Variants in BTBD9 observed in about 807,000 individuals in gnomAD.
The protein encoded by BTBD9 is BTB domain containing 9.
In BTBD9, 49 loss-of-function variants were observed where a neutral mutation model predicts 64.3. The observed-to-expected ratio is 0.76, with a 90% CI of 0.61 to 0.97. The LOEUF (loss-of-function observed/expected upper bound fraction) is 0.97, where lower values mean the gene tolerates loss of function less well. Among genes scored for constraint, BTBD9 ranks in the 50% least tolerant of loss-of-function variants. The pLI, the probability that BTBD9 is intolerant of heterozygous loss-of-function variation, is 0.00. For missense variants in BTBD9, 598 were observed against 762.1 expected (o/e 0.78, Z 2.53); for synonymous variants, 260 against 274.7 (o/e 0.95, Z 0.53).
chr6:38,314,341 G>A lies in BTBD9; in HGVS notation c.1265-25880C>T, dbSNP rs551550719. On this transcript the variant is annotated intron_variant, in intron 7 of 10. Transcript: ENST00000481247. ...CTCCGGAGTAGCTGGGACTACAGGC[G>A]CCCGCCACTACACCCGGCTAATTTT... 1.6e-4 allele frequency among the ~76,000 whole-genome samples: 24 copies of A among 150,954 alleles called. 1 individual carries two copies. The South Asian group carries it at 3.2e-3, about 20-fold the overall frequency.
chr6:38,204,385 CAAT>C (rs1212443808), intron 9 of BTBD9, among the ~76,000 whole-genome samples: 9 of 152,094 alleles, frequency 5.9e-5, no homozygotes, highest in Non-Finnish European at 1.0e-4. Context: ...TACTGTTCAG[CAAT>C]AATAAGATTT....
chr6:38,234,503 G>A (rs1329965414), intron 9 of BTBD9, among the ~76,000 whole-genome samples: 1 of 152,180 alleles, frequency 6.6e-6, no homozygotes, highest in Non-Finnish European at 1.5e-5. Flanking sequence ...GCATGTGGGT[G>A]TCTGTACATC....
intron 8 of BTBD9, among the ~76,000 whole-genome samples, chr6:38,287,760 C>A (rs1417188398): frequency 6.6e-6 from 1 of 152,194 alleles, no homozygotes; most frequent in Non-Finnish European, 1.5e-5. Context: ...AGGGATATCA[C>A]CAGTCTCACG....
chr6:38,219,159 C>T lies in BTBD9; in HGVS notation c.1563-26562G>A, dbSNP rs1402458062. ...TTTTTTTTTTTTTTTTTTTTGAGAC[C>T]GAGTCTTGCTCTGTTGCCAGGCTGG... On this transcript the variant is annotated intron_variant, in intron 9 of 10. Transcript: ENST00000481247. 8.8e-5 allele frequency among the ~76,000 whole-genome samples: 11 copies of T among 125,704 alleles called. No homozygotes were observed. The East Asian group carries it at 2.2e-3, about 25-fold the overall frequency. 82.5% of individuals were successfully genotyped at this position (125,704 alleles called of 152,430 possible).
At chr6:38,581,615 C>T (rs993166894) in intron 4 of BTBD9, among the ~76,000 whole-genome samples, 10 of 152,146 alleles carry the variant, frequency 6.6e-5, no homozygotes, top group South Asian at 6.2e-4. Context: ...CTAAAACTGA[C>T]ACTCTCCATG....
chr6:38,269,110 TTC>T (rs753872868), intron 8 of BTBD9, among the ~76,000 whole-genome samples: 78 of 152,214 alleles, frequency 5.1e-4, no homozygotes, highest in Admixed American at 1.2e-3. Context: ...AAGTACATTT[TTC>T]TGTTTGAAAG....
intron 9 of BTBD9, among the ~76,000 whole-genome samples, chr6:38,195,350 G>A (rs1369654490): frequency 6.6e-6 from 1 of 152,152 alleles, no homozygotes; most frequent in Admixed American, 6.5e-5. Context: ...CAACTCACCA[G>A]GTACCCAGAA....
chr6:38,600,995 C>T (rs1006358900), intron 1 of BTBD9, among the ~76,000 whole-genome samples: 1 of 152,030 alleles, frequency 6.6e-6, no homozygotes, highest in Non-Finnish European at 1.5e-5. Context: ...TTTAATTAGA[C>T]TAGTGATTCT....
At chr6:38,277,271 T>C (rs1377399353) in intron 8 of BTBD9, among the ~76,000 whole-genome samples, 1 of 152,018 alleles carries the variant, frequency 6.6e-6, no homozygotes, top group Non-Finnish European at 1.5e-5. Context: ...ACATATATAA[T>C]CAATGAAGCC....
At chr6:38,639,710 G>A (rs1582754944) in intron 1 of BTBD9, 90 bp downstream of exon 1, 2 of 152,296 alleles carry the variant, frequency 1.3e-5, no homozygotes. Flanking sequence ...AGGGGCGGGG[G>A]GCGGTGCGCG....
intron 1 of BTBD9, among the ~76,000 whole-genome samples, chr6:38,625,073 G>A (rs1226914860): frequency 1.3e-5 from 2 of 152,056 alleles, no homozygotes; most frequent in Non-Finnish European, 2.9e-5. Flanking sequence ...CTGGGTACAT[G>A]ACACTATTTC....
intron 6 of BTBD9, among the ~76,000 whole-genome samples, chr6:38,413,133 TTTTTC>T (rs1450246876): frequency 6.6e-6 from 1 of 152,158 alleles, no homozygotes; most frequent in Admixed American, 6.5e-5. Flanking sequence ...CCTTCCTTCT[TTTTTC>T]TTAACTATGC....
At chr6:38,532,438 G>A (rs1248224786) in intron 6 of BTBD9, among the ~76,000 whole-genome samples, 1 of 152,126 alleles carries the variant, frequency 6.6e-6, no homozygotes, top group East Asian at 1.9e-4. Flanking sequence ...GGGGACAAGT[G>A]ACCTACTGAG....
chr6:38,215,596 C>T (rs758692565), intron 9 of BTBD9, among the ~76,000 whole-genome samples: 8 of 152,132 alleles, frequency 5.3e-5, no homozygotes, highest in Admixed American at 1.3e-4. Context: ...GTTATTTAGT[C>T]AATATTTTTG....
chr6:38,494,550 A>T (rs1582524476), intron 6 of BTBD9, among the ~76,000 whole-genome samples: 1 of 152,278 alleles, frequency 6.6e-6, no homozygotes, highest in East Asian at 1.9e-4. Flanking sequence ...AAATTATGGA[A>T]CTCTATTTTG....
chr6:38,363,173 C>T (rs1765040462), intron 6 of BTBD9, among the ~76,000 whole-genome samples: 1 of 152,178 alleles, frequency 6.6e-6, no homozygotes, highest in African/African-American at 2.4e-5. Context: ...AGCGCCACCT[C>T]CAACTCCTGG....
chr6:38,408,999 C>T (rs1006863649), intron 6 of BTBD9, among the ~76,000 whole-genome samples: 1 of 152,198 alleles, frequency 6.6e-6, no homozygotes, highest in Non-Finnish European at 1.5e-5. Context: ...CCTGTCATCC[C>T]AGCACTTTGG....
intron 6 of BTBD9, chr6:38,504,620 T>C: frequency 2.2e-6 from 1 of 455,472 alleles, no homozygotes; most frequent in Non-Finnish European, 4.4e-6. Flanking sequence ...CAATATAGTT[T>C]AAAATTATAT....
Position 38,580,205 on chromosome 6 carries a change from G to A in BTBD9, c.1034+13C>T. 6.2e-7 allele frequency: 1 copy of A among 1,608,662 alleles called. No homozygotes were observed. Among genetic ancestry groups the A allele is most frequent in the Non-Finnish European group, 8.5e-7 (1 of 1,175,230 alleles). On this transcript the variant is annotated intron_variant, in intron 5 of 10. Coordinates refer to ENST00000481247, the MANE Select transcript of BTBD9 (RefSeq NM_001099272.2). ...AACATAATGTCAGTTTCTAAGTCATGCTAATCACTTACCGGCTATCTCGGT... is the reference window on the plus strand; with the variant it reads ...AACATAATGTCAGTTTCTAAGTCATACTAATCACTTACCGGCTATCTCGGT...
Sources: gnomAD v4.1 joint callset for allele counts (sites outside exome capture counted in the v4.1 genomes callset) on GRCh38, gnomAD v4.1.1 for gene constraint, MANE v1.5 for transcripts, NCBI Gene and HGNC (gene_info 2026-07-23, HGNC 2026-07-21) for gene names.